ASS1: variants seen among roughly 807,000 people sequenced by gnomAD.
ASS1 encodes argininosuccinate synthase 1.
Under a neutral mutation model 60.5 loss-of-function variants are expected in ASS1, and 58 were observed. The observed-to-expected ratio is 0.96, with a 90% CI of 0.78 to 1.19. The LOEUF is 1.19. Among genes scored for constraint, ASS1 ranks in the 50% most tolerant of loss-of-function variants. The pLI, the probability that ASS1 is intolerant of heterozygous loss-of-function variation, is 0.00. For missense variants in ASS1, 454 were observed against 547.3 expected, an observed-to-expected ratio of 0.83 and a Z score of 1.70; for synonymous variants, 200 against 206.9, an observed-to-expected ratio of 0.97 and a Z score of 0.29.
At chr9:130,487,646 T>G (rs1226080521) in intron 11 of ASS1, among the ~76,000 whole-genome samples, 1 of 152,036 alleles carries the variant, frequency 6.6e-6, no homozygotes, top group African/African-American at 2.4e-5. Context: ...TTTTGATGAC[T>G]CGAGGGACCT....
intron 13 of ASS1, among the ~76,000 whole-genome samples, chr9:130,495,555 T>C (rs1846576889): frequency 6.7e-6 from 1 of 149,258 alleles, no homozygotes; most frequent in South Asian, 2.1e-4. Context: ...ATTCAAACAA[T>C]AGCAGAAGGA....
intron 1 of ASS1, among the ~76,000 whole-genome samples, chr9:130,451,287 CGGCTGCAGAGGGCCT>C (rs1364221376): frequency 7.4e-6 from 1 of 134,622 alleles, no homozygotes; most frequent in Admixed American, 7.7e-5. Flanking sequence ...AGGCACTTCC[CGGCTGCAGAGGGCCT>C]GGCTGCAGAG....
At position 130,458,478 on chromosome 9, in the gene ASS1, G is replaced by A; in HGVS notation, c.252G>A (p.Glu84=). 6.2e-7 allele frequency: 1 copy of A among 1,612,554 alleles called. No homozygotes were observed. Among genetic ancestry groups the A allele is most frequent in the Non-Finnish European group, 8.5e-7 (1 of 1,179,874 alleles). Residue 84 remains glutamate, a synonymous_variant, in exon 4 of 15, where the codon GAG becomes GAA. Coordinates refer to ENST00000352480, the MANE Select transcript of ASS1 (RefSeq NM_054012.4). ...WPAIQSSALY[E]DRYLLGTSLA... Reference sequence around the variant, plus strand: ...CCATCCAGTCCAGCGCACTGTATGAGGACCGCTACCTCCTGGGCACCTCTC... The same window carrying A: ...CCATCCAGTCCAGCGCACTGTATGAAGACCGCTACCTCCTGGGCACCTCTC...
intron 4 of ASS1, among the ~76,000 whole-genome samples, chr9:130,463,097 C>T (rs1845642887): frequency 6.6e-6 from 1 of 152,248 alleles, no homozygotes; most frequent in Non-Finnish European, 1.5e-5. Flanking sequence ...GAGGCTGAAC[C>T]CTGGATTCTG....
chr9:130,475,246 A>G lies in ASS1; in HGVS notation c.598-1625A>G, dbSNP rs140286839. Among the ~76,000 whole-genome samples, 644 of 152,142 alleles carry G rather than the reference A, an allele frequency of 4.2e-3. 4 individuals are homozygous for G. The highest frequency in any genetic ancestry group is 0.01 in the Middle Eastern group (3 of 294). On this transcript the variant is annotated intron_variant, in intron 8 of 14. Transcript: ENST00000352480. ...GAGGAGGAGGCTGGGCCGAGCATGT[A>G]CCCCCAGAGTGAATTTCAGCTGCCC...
intron 1 of ASS1, chr9:130,451,573 T>C (rs1248873935): frequency 2.9e-6 from 1 of 347,048 alleles, no homozygotes; most frequent in African/African-American, 2.1e-5. Context: ...GCTGGGCCCC[T>C]GCCCCACAGC....
intron 11 of ASS1, among the ~76,000 whole-genome samples, chr9:130,481,340 C>T (rs1253097690): frequency 1.3e-5 from 2 of 152,068 alleles, no homozygotes; most frequent in Admixed American, 6.5e-5. Context: ...GAATTGGGCA[C>T]CTGAATTTTT....
chr9:130,474,189 G>A (rs1329203211), intron 8 of ASS1, among the ~76,000 whole-genome samples: 1 of 150,710 alleles, frequency 6.6e-6, no homozygotes, highest in Non-Finnish European at 1.5e-5. Context: ...AGAGTAAAAA[G>A]AAGGCAGGCG....
intron 8 of ASS1, 108 bp downstream of exon 8, chr9:130,471,623 C>A: frequency 7.2e-7 from 1 of 1,390,218 alleles, no homozygotes; most frequent in Non-Finnish European, 1.0e-6. Flanking sequence ...TTCACGGGGG[C>A]CAGCCGTGGG....
intron 1 of ASS1, among the ~76,000 whole-genome samples, chr9:130,446,071 C>T (rs558685851): frequency 1.3e-5 from 2 of 152,298 alleles, no homozygotes; most frequent in African/African-American, 2.4e-5. Context: ...AGGCTGGCCT[C>T]GAGCTCCTGG....
chr9:130,489,580 C>A lies in ASS1; in HGVS notation c.970+116C>A. 6.6e-7 allele frequency: 1 copy of A among 1,526,680 alleles called. No homozygotes were observed. The highest frequency in any genetic ancestry group is 9.0e-7 in the Non-Finnish European group (1 of 1,109,916). The allele number at this position is 1,526,680 out of a possible 1,614,324, so 94.6% of individuals were successfully genotyped here. ...ATCAGCACCTTCCTCCCCTGCCGCC[C>A]ACTGCCATCCTCATGTGAGACCCCA... On this transcript the variant is annotated intron_variant, in intron 12 of 14. Transcript: ENST00000352480. The surrounding 1 kb of genome is among the most constrained non-coding windows in gnomAD (Gnocchi z 4.1).
chr9:130,489,577 G>A lies in ASS1; in HGVS notation c.970+113G>A, dbSNP rs1459712127. The A allele has an allele frequency of 1.4e-5, 21 of 1,534,506 alleles. No homozygotes were observed. The highest frequency in any genetic ancestry group is 1.1e-4 in the South Asian group (10 of 89,046). On this transcript the variant is annotated intron_variant, in intron 12 of 14. Transcript: ENST00000352480. This position sits in a 1 kb window ranked among gnomAD's most constrained non-coding sequence, Gnocchi z 4.1. ...CGTATCAGCACCTTCCTCCCCTGCC[G>A]CCCACTGCCATCCTCATGTGAGACC...
Position 130,476,677 on chromosome 9 carries a change from G to T in ASS1, c.598-194G>T. 1.6e-6 allele frequency: 1 copy of T among 635,414 alleles called. No homozygotes were observed. The highest frequency in any genetic ancestry group is 1.8e-5 in the South Asian group (1 of 56,056). The allele number at this position is 635,414 out of a possible 1,614,324, so 39.4% of individuals were successfully genotyped here. ...GGGGAAAAATTGTCTGATTTCTCCA[G>T]CCCTTTGTTTCCCAGGCCTCTGGCA... is the stretch of plus-strand genomic sequence containing the variant. On this transcript the variant is annotated intron_variant, in intron 8 of 14. Transcript: ENST00000352480. The surrounding 1 kb of genome is among the most constrained non-coding windows in gnomAD (Gnocchi z 4.9).
At chr9:130,493,511 C>G (rs1020978525) in intron 12 of ASS1, among the ~76,000 whole-genome samples, 1 of 152,158 alleles carries the variant, frequency 6.6e-6, no homozygotes, top group East Asian at 1.9e-4. Context: ...GGCCCTCCCC[C>G]GCCTCTGCAA....
In ASS1 at chr9:130,470,960, C is replaced by T. The variant is rs1389224299; in HGVS notation, c.566+56C>T. On this transcript the variant is annotated intron_variant, in intron 7 of 14. Coordinates refer to ENST00000352480, the MANE Select transcript of ASS1 (RefSeq NM_054012.4). The surrounding 1 kb of genome is among the most constrained non-coding windows in gnomAD (Gnocchi z 4.3). ...CTCCCGGGCTCATTCCAAAGGACGGCCACGCGCTGCCCCAGGACGTCCTGG... is the reference window on the plus strand; with the variant it reads ...CTCCCGGGCTCATTCCAAAGGACGGTCACGCGCTGCCCCAGGACGTCCTGG... 2 of 1,573,904 alleles carry T rather than the reference C, an allele frequency of 1.3e-6. No individual in the cohort carries two copies. Among genetic ancestry groups the T allele is most frequent in the African/African-American group, 1.3e-5 (1 of 74,092 alleles).
At position 130,489,222 on chromosome 9, in the gene ASS1, T is replaced by C; in HGVS notation, c.839-111T>C. ...ATGGGTCCGGCCGGCTTGTCTCCTG[T>C]CAGACGACTCATTATTATTATTATT... On this transcript the variant is annotated intron_variant, in intron 11 of 14. Coordinates refer to ENST00000352480, the MANE Select transcript of ASS1 (RefSeq NM_054012.4). This position sits in a 1 kb window ranked among gnomAD's most constrained non-coding sequence, Gnocchi z 4.1. 27 of 1,466,898 alleles carry C rather than the reference T, an allele frequency of 1.8e-5. No homozygotes were observed. Among genetic ancestry groups the C allele is most frequent in the Non-Finnish European group, 2.4e-5 (26 of 1,075,236 alleles). The allele number at this position is 1,466,898 out of a possible 1,614,324, so 90.9% of individuals were successfully genotyped here. A position where few individuals can be genotyped will look rare whatever the true frequency, so the allele number is the denominator to read the frequency against.
chr9:130,482,831 C>T (rs1846205134), intron 11 of ASS1, among the ~76,000 whole-genome samples: 1 of 152,196 alleles, frequency 6.6e-6, no homozygotes, highest in Non-Finnish European at 1.5e-5. Flanking sequence ...TCACTCTGCC[C>T]TGGTACTTTG....
intron 3 of ASS1, among the ~76,000 whole-genome samples, chr9:130,458,031 C>T (rs148473604): frequency 1.2e-3 from 186 of 151,906 alleles, no homozygotes; most frequent in Middle Eastern, 6.8e-3. Context: ...TGGTGGCATG[C>T]GCCTGTAATC....
Position 130,476,753 on chromosome 9 carries a change from C to T in ASS1, c.598-118C>T. On this transcript the variant is annotated intron_variant, in intron 8 of 14. Transcript: ENST00000352480. The surrounding 1 kb of genome is among the most constrained non-coding windows in gnomAD (Gnocchi z 4.9). ...CTGGGGACCGGGGGATCTGCCGGAC[C>T]CCACCAGCTGGTGGGGAAATGGACA... is the stretch of plus-strand genomic sequence containing the variant. The T allele has an allele frequency of 3.0e-6, 3 of 1,012,870 alleles. No homozygotes were observed. Among genetic ancestry groups the T allele is most frequent in the Non-Finnish European group, 3.1e-6 (2 of 635,426 alleles). The allele number at this position is 1,012,870 out of a possible 1,614,324, so 62.7% of individuals were successfully genotyped here. A position where few individuals can be genotyped will look rare whatever the true frequency, so the allele number is the denominator to read the frequency against.
Sources: gnomAD v4.1 joint callset for allele counts (sites outside exome capture counted in the v4.1 genomes callset) on GRCh38, gnomAD v4.1.1 for gene constraint, Gnocchi (gnomAD v3.1) non-coding constraint, MANE v1.5 for transcripts, NCBI Gene and HGNC (gene_info 2026-07-23, HGNC 2026-07-21) for gene names.